CREB3L2: variants seen among roughly 807,000 people sequenced by gnomAD.
CREB3L2 encodes the protein cyclic AMP-responsive element-binding protein 3-like protein 2.
In CREB3L2, 23 loss-of-function variants were observed where a neutral mutation model predicts 57.2. The ratio of observed to expected loss-of-function variants is 0.40; its 90% CI spans 0.29 to 0.57. The LOEUF is 0.57. Among genes scored for constraint, CREB3L2 ranks in the 20% least tolerant of loss-of-function variants. The pLI, the probability that CREB3L2 is intolerant of heterozygous loss-of-function variation, is 0.42. For synonymous variants in CREB3L2, 268 were observed against 265.1 expected, an observed-to-expected ratio of 1.01 and a Z score of -0.11; for missense variants, 628 against 634.7, an observed-to-expected ratio of 0.99 and a Z score of 0.11.
At chr7:137,931,224 C>G (rs914942893) in intron 1 of CREB3L2, among the ~76,000 whole-genome samples, 6 of 150,826 alleles carry the variant, frequency 4.0e-5, no homozygotes, top group African/African-American at 4.9e-5. Flanking sequence ...GGAGTGAGAA[C>G]CTGTCTTTAA....
chr7:137,997,253 A>G (rs971966530), intron 1 of CREB3L2, among the ~76,000 whole-genome samples: 1 of 152,184 alleles, frequency 6.6e-6, no homozygotes, highest in African/African-American at 2.4e-5. Flanking sequence ...GACGAGGTAA[A>G]AATCTGAATA....
chr7:137,891,949 G>T (rs930766209), intron 8 of CREB3L2, among the ~76,000 whole-genome samples: 1 of 152,084 alleles, frequency 6.6e-6, no homozygotes, highest in African/African-American at 2.4e-5. Flanking sequence ...GTGTGCGGGT[G>T]CACATATGTG....
In CREB3L2 at chr7:137,908,538, G is replaced by A. The variant is rs537528252; in HGVS notation, c.584-102C>T. The A allele has an allele frequency of 9.2e-4, 696 of 755,428 alleles. 3 individuals are homozygous for A. In the African/African-American group the frequency reaches 0.012, roughly 13 times the overall value. The allele number at this position is 755,428 out of a possible 1,614,324, so 46.8% of individuals were successfully genotyped here. A position where few individuals can be genotyped will look rare whatever the true frequency, so the allele number is the denominator to read the frequency against. On this transcript the variant is annotated intron_variant, in intron 4 of 11. Coordinates refer to ENST00000330387, the MANE Select transcript of CREB3L2 (RefSeq NM_194071.4). ...AAAGTGTGAGGGGCCTCCATGAGCT[G>A]ACCTGGACAGATCTCCAAGGTGCAG...
At position 137,901,887 on chromosome 7, in the gene CREB3L2, A is replaced by AAAG. The variant is rs1554495249; in HGVS notation, c.975-466_975-465insCTT. Among the ~76,000 whole-genome samples the AAAG allele has an allele frequency of 4.6e-4, 69 of 148,938 alleles. 1 individual carries two copies. The highest frequency in any genetic ancestry group is 1.7e-3 in the African/African-American group (69 of 40,172). ...CAAGATCTGTCTCAAAAAAAAAAAA[A>AAAG]AAAAAGAAAAATAGAAGGAGCTGGG... is the stretch of plus-strand genomic sequence containing the variant. On this transcript the variant is annotated intron_variant, in intron 7 of 11. Transcript: ENST00000330387.
chr7:137,909,155 G>A (rs958511825), intron 4 of CREB3L2, among the ~76,000 whole-genome samples: 6 of 152,206 alleles, frequency 3.9e-5, no homozygotes, highest in African/African-American at 7.2e-5. Flanking sequence ...AGCAATGTGC[G>A]TGGTCATGCC....
chr7:137,913,012 G>T lies in CREB3L2; in HGVS notation c.562C>A (p.Leu188Ile), dbSNP rs1369225742. 1.2e-6 allele frequency: 2 copies of T among 1,614,012 alleles called. No individual in the cohort carries two copies. Among genetic ancestry groups the T allele is most frequent in the Non-Finnish European group, 1.7e-6 (2 of 1,179,898 alleles). The change falls in exon 4 of 12, where the codon CTA becomes ATA. Residue 188 changes from leucine to isoleucine, a missense_variant. By Grantham distance (5) the Leu-to-Ile change is conservative (BLOSUM62 2). This residue lies in a region of CREB3L2 where 339 missense variants were observed against 355.4 expected (regional missense o/e 0.95). Coordinates refer to ENST00000330387, the MANE Select transcript of CREB3L2 (RefSeq NM_194071.4). ...KLEPHEVDQF[L>I]NFSPKEAPVD... ...AGACCTTCTTTAGGAGAGAAGTTTA[G>T]AAACTGATCCACTTCATGAGGCTCC... is the stretch of plus-strand genomic sequence containing the variant.
intron 5 of CREB3L2, among the ~76,000 whole-genome samples, chr7:137,906,426 TGG>T (rs1799892748): frequency 6.6e-6 from 1 of 152,184 alleles, no homozygotes; most frequent in Non-Finnish European, 1.5e-5. Context: ...GCACATCTCA[TGG>T]AACCCACAGT....
chr7:137,949,181 T>C (rs1055189788), intron 1 of CREB3L2, among the ~76,000 whole-genome samples: 1 of 152,184 alleles, frequency 6.6e-6, no homozygotes, highest in African/African-American at 2.4e-5. Flanking sequence ...CAAACGGAAA[T>C]AGCCACTTGG....
chr7:137,945,933 G>A (rs1284964561), intron 1 of CREB3L2, among the ~76,000 whole-genome samples: 2 of 151,978 alleles, frequency 1.3e-5, no homozygotes, highest in Non-Finnish European at 2.9e-5. Context: ...TTTAGTGGCC[G>A]TTTCTGTTCT....
Position 137,876,352 on chromosome 7 carries a change from G to GTT in CREB3L2, c.*4123_*4124insAA, listed in dbSNP as rs1371711737. ...TGCACGTGTGTGTGTGTGTGTGTGT[G>GTT]TGTGTGTGTGTGTGTGTCAGAGAGA... On this transcript the variant is annotated 3_prime_UTR_variant, in exon 12 of 12. Transcript: ENST00000330387. The GTT allele has an allele frequency of 4.3e-6, 1 of 233,158 alleles. No homozygotes were observed. Among genetic ancestry groups the GTT allele is most frequent in the Non-Finnish European group, 8.5e-6 (1 of 118,202 alleles). 14.4% of individuals were successfully genotyped at this position (233,158 alleles called of 1,614,324 possible).
At chr7:137,992,309 C>G (rs546323130) in intron 1 of CREB3L2, among the ~76,000 whole-genome samples, 5 of 152,212 alleles carry the variant, frequency 3.3e-5, no homozygotes, top group Non-Finnish European at 7.3e-5. Flanking sequence ...AAAGTCTAGG[C>G]AAAACACAGC....
intron 1 of CREB3L2, among the ~76,000 whole-genome samples, chr7:137,979,933 G>A (rs986890565): frequency 6.6e-6 from 1 of 152,200 alleles, no homozygotes; most frequent in East Asian, 1.9e-4. Flanking sequence ...AGTTTCTTGG[G>A]CTCCATCTAG....
intron 1 of CREB3L2, among the ~76,000 whole-genome samples, chr7:137,998,419 A>G (rs1802025472): frequency 6.6e-6 from 1 of 152,250 alleles, no homozygotes; most frequent in Admixed American, 6.5e-5. Context: ...CCTCATTTAA[A>G]CATTAGCTGC....
intron 11 of CREB3L2, among the ~76,000 whole-genome samples, chr7:137,882,160 G>A (rs1294233672): frequency 1.3e-5 from 2 of 152,164 alleles, no homozygotes; most frequent in Non-Finnish European, 2.9e-5. Context: ...ACTTCTTTGT[G>A]CCACCACGCC....
chr7:137,901,770 T>G (rs2117199923), intron 7 of CREB3L2, among the ~76,000 whole-genome samples: 1 of 148,420 alleles, frequency 6.7e-6, no homozygotes, highest in South Asian at 2.1e-4. Context: ...TCCCAGCTAC[T>G]CGGGAGGCTG....
chr7:137,896,427 G>C (rs1799629426), intron 8 of CREB3L2, among the ~76,000 whole-genome samples: 1 of 152,088 alleles, frequency 6.6e-6, no homozygotes, highest in Admixed American at 6.6e-5. Context: ...TCAGCCTCCT[G>C]AGTAGCTGGG....
At chr7:137,881,394 A>G (rs191291825) in intron 11 of CREB3L2, among the ~76,000 whole-genome samples, 3 of 152,346 alleles carry the variant, frequency 2.0e-5, no homozygotes, top group Admixed American at 2.0e-4. Context: ...TTTTTGGATT[A>G]GGGATGCTTA....
At chr7:137,965,519 C>T (rs1801394171) in intron 1 of CREB3L2, among the ~76,000 whole-genome samples, 1 of 152,134 alleles carries the variant, frequency 6.6e-6, no homozygotes, top group African/African-American at 2.4e-5. Flanking sequence ...TAATAGAACA[C>T]ACAGGTGAGT....
rs1191610982 is a variant in CREB3L2 at position 138,001,011 on chromosome 7, A to G, written c.102+593T>C. ...TTTTTCCTCCGAAGAGGGAGGAAGG[A>G]GACTTCTTGGTCGTACAGTTTAAGA... On this transcript the variant is annotated intron_variant, in intron 1 of 11. Transcript: ENST00000330387. The surrounding 1 kb of genome is among the most constrained non-coding windows in gnomAD (Gnocchi z 4.2). Among the ~76,000 whole-genome samples the G allele has an allele frequency of 6.6e-6, 1 of 151,498 alleles. No individual in the cohort carries two copies. Among genetic ancestry groups the G allele is most frequent in the African/African-American group, 2.4e-5 (1 of 41,244 alleles).
Sources: allele counts gnomAD v4.1 joint callset (sites outside exome capture counted in the v4.1 genomes callset), GRCh38; gene constraint gnomAD v4.1.1; regional missense constraint gnomAD v4.1.1; non-coding constraint Gnocchi (gnomAD v3.1); transcripts MANE v1.5; gene names NCBI Gene and HGNC (gene_info 2026-07-23, HGNC 2026-07-21).